The following XPO5 variants were observed in gnomAD, a reference collection of about 807,000 sequenced individuals.
XPO5 encodes the protein exportin 5.
In XPO5, 46 loss-of-function variants were observed where a neutral mutation model predicts 160.6. That is an observed-to-expected ratio of 0.29 (90% CI 0.23 to 0.37). The LOEUF (loss-of-function observed/expected upper bound fraction) is 0.37, where lower values mean the gene tolerates loss of function less well. Among genes scored for constraint, XPO5 ranks in the 10% least tolerant of loss-of-function variants. The probability of loss-of-function intolerance (pLI) is 1.00; values close to 1 mark genes in which losing one functional copy is unlikely to be tolerated. For missense variants in XPO5, 1,090 were observed against 1,463.9 expected (o/e 0.74, Z 4.17); for synonymous variants, 537 against 519.3 (o/e 1.03, Z -0.46).
chr6:43,556,722 G>C (rs1762108320), intron 12 of XPO5, among the ~76,000 whole-genome samples: 1 of 151,974 alleles, frequency 6.6e-6, no homozygotes, highest in Non-Finnish European at 1.5e-5. Context: ...GTATATAAAT[G>C]TTCATAGCAG....
chr6:43,560,774 A>G (rs1008937402), intron 10 of XPO5, 150 bp downstream of exon 10: 9 of 689,520 alleles, frequency 1.3e-5, no homozygotes, highest in Admixed American at 7.9e-5. Context: ...AGAAGAGCCA[A>G]TAATTCTCTT....
chr6:43,567,413 T>G, intron 6 of XPO5, 59 bp from the exon 7 acceptor site: 2 of 1,449,800 alleles, frequency 1.4e-6, no homozygotes, highest in Non-Finnish European at 1.8e-6. Context: ...AAGGAATCAG[T>G]GGTTATAACT....
chr6:43,531,397 A>T, intron 22 of XPO5, 82 bp downstream of exon 22: 1 of 1,281,732 alleles, frequency 7.8e-7, no homozygotes, highest in Non-Finnish European at 1.1e-6. Flanking sequence ...CCTGTACACT[A>T]GATGAAAAGT....
At position 43,548,427 on chromosome 6, in the gene XPO5, G is replaced by C; in HGVS notation, c.1894C>G (p.Gln632Glu). 6.2e-7 allele frequency: 1 copy of C among 1,603,274 alleles called. No individual in the cohort carries two copies. The highest frequency in any genetic ancestry group is 8.5e-7 in the Non-Finnish European group (1 of 1,172,996). Residue 632 changes from glutamine to glutamate, a missense_variant, in exon 18 of 32, where the codon CAA becomes GAA. Gln to Glu is a conservative substitution (Grantham distance 29). Transcript: ENST00000265351. ...AGGAGTAGCTCATTGGAGAGGAGTT[G>C]CTTCACATGGTTATAAAGCATGTCA... ...NFDMLYNHVK[Q>E]LLSNELLLTQ...
rs545662099 is a variant in XPO5, at chr6:43,538,404, C to T, written c.2343-4397G>A. 2.0e-5 allele frequency among the ~76,000 whole-genome samples: 3 copies of T among 152,044 alleles called. No homozygotes were observed. In the South Asian group the frequency reaches 6.2e-4, roughly 32 times the overall value. On this transcript the variant is annotated intron_variant, in intron 20 of 31. Coordinates refer to ENST00000265351, the MANE Select transcript of XPO5 (RefSeq NM_020750.3). Reference sequence around the variant, plus strand: ...AGCCTCAAGGATCCGCCTGCCTCGGCCTCCCAAACTGCTGAGATCACAAGC... The same window carrying T: ...AGCCTCAAGGATCCGCCTGCCTCGGTCTCCCAAACTGCTGAGATCACAAGC...
chr6:43,565,372 G>C (rs979803168), intron 8 of XPO5, among the ~76,000 whole-genome samples: 1 of 151,900 alleles, frequency 6.6e-6, no homozygotes, highest in Non-Finnish European at 1.5e-5. Flanking sequence ...TTTGAGACCA[G>C]AGCGGTCAGC....
intron 20 of XPO5, among the ~76,000 whole-genome samples, chr6:43,543,851 AT>A (rs1250001132): frequency 6.6e-6 from 1 of 151,856 alleles, no homozygotes; most frequent in South Asian, 2.1e-4. Flanking sequence ...TAATTTTTGT[AT>A]TTTTAGTAGA....
In XPO5 at chr6:43,562,703, A is replaced by G. The variant is rs117191183; in HGVS notation, c.912-357T>C. ...GGACAGGATGGTATTATGGTGTCCA[A>G]TGCAATCTCTGGAGTTTGACTACCT... On this transcript the variant is annotated intron_variant, in intron 8 of 31. Coordinates refer to ENST00000265351, the MANE Select transcript of XPO5 (RefSeq NM_020750.3). Among the ~76,000 whole-genome samples the G allele has an allele frequency of 1.5e-4, 23 of 152,286 alleles. 1 individual carries two copies. The East Asian group carries it at 2.9e-3, about 19-fold the overall frequency.
At position 43,527,649 on chromosome 6, in the gene XPO5, C is replaced by G; in HGVS notation, c.2905G>C (p.Val969Leu). 1 of 1,613,998 alleles carries G rather than the reference C, an allele frequency of 6.2e-7. No individual in the cohort carries two copies. Reference protein sequence around the residue: ...EQLVRMLTREVMDLITVCCVS... With the variant: ...EQLVRMLTRELMDLITVCCVS... ...TGCCACTTACTGATTAGGTCCATGA[C>G]TTCTCGGGTTAACATCCTCACCAGT... Residue 969 changes from valine (V) to leucine (L), a missense_variant, in exon 26 of 32, where the codon GTC becomes CTC. Val to Leu is a conservative substitution (Grantham distance 32). Coordinates refer to ENST00000265351, the MANE Select transcript of XPO5 (RefSeq NM_020750.3).
In XPO5 at chr6:43,527,856, G is replaced by C. The variant is rs1049362441; in HGVS notation, c.2823-125C>G. 36 of 972,822 alleles carry C rather than the reference G, an allele frequency of 3.7e-5. No individual in the cohort carries two copies. In the East Asian group the frequency reaches 9.3e-4, roughly 25 times the overall value. The allele number at this position is 972,822 out of a possible 1,614,324, so 60.3% of individuals were successfully genotyped here. ...CTTTGGGTCTTCGTTTTATGCAAAA[G>C]TTGGGAATGGACAGCAGTGATCCAC... On this transcript the variant is annotated intron_variant, in intron 25 of 31. Transcript: ENST00000265351.
chr6:43,560,801 G>C (rs543115687), intron 10 of XPO5, 123 bp downstream of exon 10: 4 of 810,250 alleles, frequency 4.9e-6, no homozygotes. Flanking sequence ...ATGACACTAC[G>C]GTCATTCCCC....
Position 43,569,314 on chromosome 6 carries a change from A to C in XPO5, c.622-577T>G, listed in dbSNP as rs540260145. On this transcript the variant is annotated intron_variant, in intron 5 of 31. Transcript: ENST00000265351. ...TCTCAAAAAAAAAAAAACAACAAAA[A>C]AAAATACATATATATATGATGTTAA... Among the ~76,000 whole-genome samples the C allele has an allele frequency of 3.9e-5, 6 of 152,156 alleles. No homozygotes were observed. In the East Asian group the frequency reaches 5.8e-4, roughly 15 times the overall value.
At position 43,568,693 on chromosome 6, in the gene XPO5, T is replaced by A; in HGVS notation, c.648+18A>T. 3 of 1,573,748 alleles carry A rather than the reference T, an allele frequency of 1.9e-6. No individual in the cohort carries two copies. Among genetic ancestry groups the A allele is most frequent in the Non-Finnish European group, 2.6e-6 (3 of 1,158,990 alleles). On this transcript the variant is annotated intron_variant, in intron 6 of 31. Transcript: ENST00000265351. ...AAAGGTTCAAAGGTCTCCTTCAAAC[T>A]TTATAAAGAGCTCTTACCTTTGACT...
At chr6:43,530,118 G>T (rs566545904) in intron 23 of XPO5, among the ~76,000 whole-genome samples, 4 of 152,016 alleles carry the variant, frequency 2.6e-5, no homozygotes, top group Admixed American at 6.6e-5. Flanking sequence ...TTAGCTGGGC[G>T]TAGTAGCATG....
chr6:43,525,044 T>A, intron 29 of XPO5, 63 bp downstream of exon 29: 1 of 1,581,320 alleles, frequency 6.3e-7, no homozygotes, highest in Non-Finnish European at 8.6e-7. Context: ...TCTGAATGAT[T>A]TAGTCAGTCT....
Position 43,558,442 on chromosome 6 carries a change from CATA to C in XPO5, c.1312+56_1312+58del, listed in dbSNP as rs142030157. 92 of 1,444,428 alleles carry C rather than the reference CATA, an allele frequency of 6.4e-5. No homozygotes were observed. In the African/African-American group the frequency reaches 9.5e-4, roughly 15 times the overall value. 89.5% of individuals were successfully genotyped at this position (1,444,428 alleles called of 1,614,324 possible). On this transcript the variant is annotated intron_variant, in intron 12 of 31. Transcript: ENST00000265351. ...ACCCCAAACACCATGCACCATGATT[CATA>C]ATACTAGATGCCATTCTGAGACTGT...
chr6:43,566,492 A>C (rs775309975), intron 7 of XPO5: 54 of 164,264 alleles, frequency 3.3e-4, no homozygotes, highest in Non-Finnish European at 6.2e-4. Flanking sequence ...TGGAGAAAAG[A>C]GTCACAGTTC....
At position 43,527,665 on chromosome 6, in the gene XPO5, C is replaced by T; in HGVS notation, c.2889G>A (p.Arg963=). ...GGTCCATGACTTCTCGGGTTAACAT[C>T]CTCACCAGTTGCTCCTCCAGCATCT... is the stretch of plus-strand genomic sequence containing the variant. ...SQEMLEEQLV[R]MLTREVMDLI... The change falls in exon 26 of 32, where the codon AGG becomes AGA. Residue 963 remains arginine, a synonymous_variant. Coordinates refer to ENST00000265351, the MANE Select transcript of XPO5 (RefSeq NM_020750.3). The T allele has an allele frequency of 6.2e-7, 1 of 1,613,968 alleles. No individual in the cohort carries two copies. The highest frequency in any genetic ancestry group is 8.5e-7 in the Non-Finnish European group (1 of 1,179,886).
chr6:43,558,756 G>C (rs1479839167), intron 11 of XPO5, among the ~76,000 whole-genome samples, 165 bp from the exon 12 acceptor site: 2 of 152,200 alleles, frequency 1.3e-5, no homozygotes, highest in African/African-American at 2.4e-5. Flanking sequence ...TCCACAGTTT[G>C]CTCCCAGTTC....
Sources: allele counts gnomAD v4.1 joint callset (sites outside exome capture counted in the v4.1 genomes callset), GRCh38; gene constraint gnomAD v4.1.1; transcripts MANE v1.5; gene names NCBI Gene and HGNC (gene_info 2026-07-23, HGNC 2026-07-21).